ADAMTSL1: variants seen among roughly 807,000 people sequenced by gnomAD.
The protein encoded by ADAMTSL1 is ADAMTS like 1, also known as ADAMTS-like protein 1.
ADAMTSL1 carries 126 observed loss-of-function variants against 201.8 expected under a neutral mutation model. That is an observed-to-expected ratio of 0.62 (90% confidence interval 0.54 to 0.72). The LOEUF is 0.72. ADAMTSL1 is among the 30% of genes least tolerant of loss of function. The pLI is 0.00. For synonymous variants in ADAMTSL1, 1,121 were observed against 903.4 expected (o/e 1.24, Z -4.32); for missense variants, 2,679 against 2,277.8 (o/e 1.18, Z -3.59).
At chr9:18,531,565 G>A (rs1370577105) in intron 2 of ADAMTSL1, among the ~76,000 whole-genome samples, 1 of 152,176 alleles carries the variant, frequency 6.6e-6, no homozygotes, top group East Asian at 1.9e-4. Context: ...AAGTCTTTAG[G>A]AATGGGACCC....
chr9:18,413,145 A>C (rs940934058), intron 2 of ADAMTSL1, among the ~76,000 whole-genome samples: 22 of 84,048 alleles, frequency 2.6e-4, no homozygotes, highest in Non-Finnish European at 1.4e-4. Flanking sequence ...CTCTAAGGAT[A>C]ATTTTTTTTT....
intron 20 of ADAMTSL1, among the ~76,000 whole-genome samples, chr9:18,812,589 T>A (rs1460572769): frequency 6.6e-6 from 1 of 152,238 alleles, no homozygotes; most frequent in African/African-American, 2.4e-5. Flanking sequence ...GCCTATGTTT[T>A]TGGGATCTTA....
At chr9:18,561,651 G>A (rs1821505123) in intron 3 of ADAMTSL1, among the ~76,000 whole-genome samples, 1 of 152,138 alleles carries the variant, frequency 6.6e-6, no homozygotes, top group Non-Finnish European at 1.5e-5. Context: ...CAATATTATT[G>A]TGTGGGATTC....
At chr9:18,640,356 A>G (rs1234187386) in intron 7 of ADAMTSL1, among the ~76,000 whole-genome samples, 2 of 152,154 alleles carry the variant, frequency 1.3e-5, no homozygotes, top group East Asian at 3.8e-4. Flanking sequence ...CTGTTAAGCA[A>G]GAAAATCCAG....
intron 2 of ADAMTSL1, among the ~76,000 whole-genome samples, chr9:18,368,060 A>G (rs1481431129): frequency 6.7e-6 from 1 of 148,848 alleles, no homozygotes; most frequent in Admixed American, 6.7e-5. Context: ...CCACCACGCC[A>G]GGCTAATTTT....
At chr9:18,836,219 T>A (rs1268398816) in intron 23 of ADAMTSL1, among the ~76,000 whole-genome samples, 1 of 152,142 alleles carries the variant, frequency 6.6e-6, no homozygotes, top group African/African-American at 2.4e-5. Context: ...TGAAATGGTA[T>A]CTCATTGTCT....
intron 2 of ADAMTSL1, among the ~76,000 whole-genome samples, chr9:18,410,726 G>A (rs1358008933): frequency 1.3e-5 from 2 of 151,940 alleles, no homozygotes; most frequent in Admixed American, 1.3e-4. Context: ...CATTCCTTTG[G>A]GTATATACCC....
At chr9:18,073,639 A>G (rs933586620) in intron 1 of ADAMTSL1, among the ~76,000 whole-genome samples, 1 of 152,176 alleles carries the variant, frequency 6.6e-6, no homozygotes, top group Non-Finnish European at 1.5e-5. Context: ...ACGTATAACT[A>G]TATCATGTTA....
intron 3 of ADAMTSL1, among the ~76,000 whole-genome samples, chr9:18,535,093 A>G (rs116519587): frequency 0.026 from 3,883 of 152,116 alleles, 150 homozygotes; most frequent in African/African-American, 0.088. Context: ...AATTTTTTCT[A>G]TTTCATCATC....
chr9:18,127,481 AACACAC>A (rs112886805), intron 1 of ADAMTSL1, among the ~76,000 whole-genome samples: 47,324 of 146,070 alleles, frequency 0.32, 8,585 homozygotes, highest in South Asian at 0.42. Flanking sequence ...GCACATACAC[AACACAC>A]ACACACACAC....
intron 1 of ADAMTSL1, among the ~76,000 whole-genome samples, chr9:18,076,715 G>A (rs760140944): frequency 6.6e-6 from 1 of 152,122 alleles, no homozygotes; most frequent in Admixed American, 6.5e-5. Context: ...CACTGTTAAC[G>A]GCTGGGAGAC....
rs781460678 is a variant in ADAMTSL1 at position 18,776,783 on chromosome 9, C to T, written c.2554C>T (p.Pro852Ser). Residue 852 changes from proline to serine, a missense_variant and splice_region_variant, in exon 19 of 29, where the codon CCC becomes TCC. Pro to Ser is a moderately conservative substitution (Grantham distance 74). Transcript: ENST00000380548. ...CTTCGGGTTCGCTCTCCTTCCAGGG[C>T]CCGGGCGGCCATCCACGAAGCACAG... is the stretch of plus-strand genomic sequence containing the variant. Reference protein sequence around the residue: ...RPCMLATCARPGRPSTKHSPH... With the variant: ...RPCMLATCARSGRPSTKHSPH... The T allele has an allele frequency of 1.7e-5, 26 of 1,545,272 alleles. No homozygotes were observed. Among genetic ancestry groups the T allele is most frequent in the Non-Finnish European group, 2.2e-5 (25 of 1,146,198 alleles).
chr9:18,402,381 C>G (rs1818019610), intron 2 of ADAMTSL1, among the ~76,000 whole-genome samples: 1 of 152,208 alleles, frequency 6.6e-6, no homozygotes, highest in Non-Finnish European at 1.5e-5. Context: ...TTGGTGTGCT[C>G]TCATCTTTAA....
intron 23 of ADAMTSL1, among the ~76,000 whole-genome samples, chr9:18,878,984 C>G (rs902265302): frequency 2.0e-5 from 3 of 152,134 alleles, no homozygotes; most frequent in African/African-American, 7.2e-5. Context: ...AAACTAGGAC[C>G]AACTACTGAC....
At position 18,670,501 on chromosome 9, in the gene ADAMTSL1, C is replaced by T. The variant is rs111659328; in HGVS notation, c.1086-5356C>T. ...CAGACCACTCTCCATATCAGACTGC[C>T]CTCTCTCAAAGATGGCAGGGCCAGC... On this transcript the variant is annotated intron_variant, in intron 9 of 28. Transcript: ENST00000380548. Among the ~76,000 whole-genome samples the T allele has an allele frequency of 5.2e-3, 790 of 152,306 alleles. 4 individuals are homozygous for T. The highest frequency in any genetic ancestry group is 0.027 in the Middle Eastern group (8 of 294).
intron 20 of ADAMTSL1, among the ~76,000 whole-genome samples, chr9:18,803,422 C>G (rs182240559): frequency 2.6e-4 from 40 of 152,330 alleles, no homozygotes; most frequent in African/African-American, 9.4e-4. Flanking sequence ...CATGATTAGA[C>G]TGGGCCTACC....
chr9:18,549,820 T>C (rs377433739), intron 3 of ADAMTSL1, among the ~76,000 whole-genome samples: 9 of 151,960 alleles, frequency 5.9e-5, no homozygotes, highest in Admixed American at 5.3e-4. Flanking sequence ...ACCTAAAATC[T>C]TGCTTCTCAA....
chr9:17,983,335 C>T (rs1302307548), intron 1 of ADAMTSL1, among the ~76,000 whole-genome samples: 1 of 152,084 alleles, frequency 6.6e-6, no homozygotes, highest in Non-Finnish European at 1.5e-5. Flanking sequence ...TCCCAAAGTG[C>T]TGGGATTACA....
chr9:18,349,705 G>C (rs1028614701), intron 2 of ADAMTSL1, among the ~76,000 whole-genome samples: 2 of 152,034 alleles, frequency 1.3e-5, no homozygotes, highest in African/African-American at 4.8e-5. Context: ...CATCGGGCTG[G>C]AATCTATTCA....
Sources: allele counts gnomAD v4.1 joint callset (sites outside exome capture counted in the v4.1 genomes callset), GRCh38; gene constraint gnomAD v4.1.1; transcripts MANE v1.5; gene names NCBI Gene and HGNC (gene_info 2026-07-23, HGNC 2026-07-21).